POLN: variants seen among roughly 807,000 people sequenced by gnomAD.
POLN encodes DNA polymerase N.
A neutral mutation model predicts 113.5 loss-of-function variants in POLN; 108 were observed. The observed-to-expected ratio is 0.95, with a 90% CI of 0.81 to 1.12. The LOEUF (loss-of-function observed/expected upper bound fraction) is 1.12, where lower values mean the gene tolerates loss of function less well. Ranked by LOEUF, POLN falls within the 50% of genes most tolerant of loss-of-function variation. POLN has a pLI of 0.00. For synonymous variants in POLN, 386 were observed against 391.5 expected, an observed-to-expected ratio of 0.99 and a Z score of 0.17; for missense variants, 1,097 against 1,077.1, an observed-to-expected ratio of 1.02 and a Z score of -0.26.
chr4:2,241,188 G>C (rs1305675799), intron 2 of POLN: 2 of 403,720 alleles, frequency 5.0e-6, no homozygotes, highest in Non-Finnish European at 8.7e-6. Flanking sequence ...TCCGAGAGCG[G>C]GATAAATGAC....
intron 3 of POLN, among the ~76,000 whole-genome samples, chr4:2,213,941 A>G (rs932831153): frequency 6.6e-6 from 1 of 152,210 alleles, no homozygotes; most frequent in Non-Finnish European, 1.5e-5. Context: ...AAAAGACAAG[A>G]AATGTAAGCT....
intron 24 of POLN, among the ~76,000 whole-genome samples, chr4:2,074,254 GGC>G (rs1365255778): frequency 2.0e-5 from 3 of 152,160 alleles, no homozygotes; most frequent in Non-Finnish European, 4.4e-5. Context: ...AGAGATGCTG[GGC>G]GCTACACACC....
chr4:2,183,307 ACG>A (rs200996229), intron 7 of POLN, among the ~76,000 whole-genome samples: 2 of 149,626 alleles, frequency 1.3e-5, no homozygotes, highest in African/African-American at 5.0e-5. Context: ...CTAGATATAC[ACG>A]CAAGCAAGTT....
chr4:2,139,088 C>T (rs1186489221), intron 16 of POLN, among the ~76,000 whole-genome samples: 5 of 152,060 alleles, frequency 3.3e-5, no homozygotes, highest in African/African-American at 1.2e-4. Context: ...TTGACCACAA[C>T]AAATGGGCAG....
At chr4:2,141,460 C>A (rs1007130807) in intron 16 of POLN, among the ~76,000 whole-genome samples, 1 of 152,158 alleles carries the variant, frequency 6.6e-6, no homozygotes, top group African/African-American at 2.4e-5. Context: ...TCCTGTGTCC[C>A]CAGCTGTGGC....
rs1272979860 is a variant in POLN at position 2,242,091 on chromosome 4, ACCGCCCTCCGTGCC to A, written c.-338_-325del. ...TTGCTTCTCGCAGGAGCCCGCCGCC[ACCGCCCTCCGTGCC>A]CCGCGCGCCTCGCACTGCCTCACGG... On this transcript the variant is annotated 5_prime_UTR_variant, in exon 1 of 26. Transcript: ENST00000511885. 1 of 985,814 alleles carries A rather than the reference ACCGCCCTCCGTGCC, an allele frequency of 1.0e-6. No individual in the cohort carries two copies. The highest frequency in any genetic ancestry group is 1.1e-4 in the East Asian group (1 of 8,806). The allele number at this position is 985,814 out of a possible 1,614,324, so 61.1% of individuals were successfully genotyped here.
intron 13 of POLN, among the ~76,000 whole-genome samples, chr4:2,170,384 C>A (rs1292205246): frequency 6.6e-6 from 1 of 152,192 alleles, no homozygotes; most frequent in East Asian, 1.9e-4. Context: ...GGACACGAAG[C>A]AAAGAGGTTG....
At chr4:2,159,708 T>C (rs1369314017) in intron 13 of POLN, among the ~76,000 whole-genome samples, 3 of 152,198 alleles carry the variant, frequency 2.0e-5, no homozygotes, top group Non-Finnish European at 4.4e-5. Context: ...ATCTCCCCAG[T>C]AGGTACTGGC....
chr4:2,080,621 C>G lies in POLN; in HGVS notation c.2387+337G>C, dbSNP rs1312413284. On this transcript the variant is annotated intron_variant, in intron 23 of 25. Coordinates refer to ENST00000511885, the MANE Select transcript of POLN (RefSeq NM_181808.4). ...GGGGGCAGTTTGGAGTCCCCAGGGTCCTGCTCAAGGGGCTGAGGGGTTCGC... is the reference window on the plus strand; with the variant it reads ...GGGGGCAGTTTGGAGTCCCCAGGGTGCTGCTCAAGGGGCTGAGGGGTTCGC... 5.6e-6 allele frequency: 7 copies of G among 1,243,548 alleles called. No individual in the cohort carries two copies. The African/African-American group carries it at 1.1e-4, about 19-fold the overall frequency. The allele number at this position is 1,243,548 out of a possible 1,614,324, so 77.0% of individuals were successfully genotyped here. A position where few individuals can be genotyped will look rare whatever the true frequency, so the allele number is the denominator to read the frequency against.
intron 17 of POLN, 36 bp downstream of exon 17, chr4:2,131,197 C>A (rs1392985391): frequency 6.9e-7 from 1 of 1,442,464 alleles, no homozygotes; most frequent in Non-Finnish European, 9.7e-7. Flanking sequence ...AAGAGAGTTA[C>A]CAGAGACTTT....
intron 13 of POLN, among the ~76,000 whole-genome samples, chr4:2,162,353 C>T (rs553021655): frequency 3.6e-4 from 54 of 151,940 alleles, no homozygotes; most frequent in African/African-American, 1.3e-3. Flanking sequence ...CCTGAGCCAG[C>T]GAGACCACGA....
rs543583362 is a variant in POLN, at chr4:2,103,432, T to G, written c.1983-7499A>C. Among the ~76,000 whole-genome samples, 3 of 152,158 alleles carry G rather than the reference T, an allele frequency of 2.0e-5. No individual in the cohort carries two copies. In the East Asian group the frequency reaches 5.8e-4, roughly 29 times the overall value. ...ATTAAAGAAAAAAGAATAAAAAGAA[T>G]GAACAAAGCCTTTGAGATGTTTGGG... is the stretch of plus-strand genomic sequence containing the variant. On this transcript the variant is annotated intron_variant, in intron 19 of 25. Coordinates refer to ENST00000511885, the MANE Select transcript of POLN (RefSeq NM_181808.4).
Position 2,072,305 on chromosome 4 carries a change from G to T in POLN, c.2518-6C>A. The stretch of plus-strand genomic sequence containing the variant: ...AGGCTCACCTTGAGGGGTACCTGCA[G>T]GTGGCAGCCAGAGGTGAGCCCCACG... On this transcript the variant is annotated splice_polypyrimidine_tract_variant and splice_region_variant and intron_variant, in intron 25 of 25. Coordinates refer to ENST00000511885, the MANE Select transcript of POLN (RefSeq NM_181808.4). 2 of 1,554,578 alleles carry T rather than the reference G, an allele frequency of 1.3e-6. No homozygotes were observed. The highest frequency in any genetic ancestry group is 1.7e-6 in the Non-Finnish European group (2 of 1,153,444).
At chr4:2,098,846 A>G (rs1434977262) in intron 19 of POLN, among the ~76,000 whole-genome samples, 1 of 152,226 alleles carries the variant, frequency 6.6e-6, no homozygotes, top group Non-Finnish European at 1.5e-5. Context: ...AACATACAAG[A>G]TGAACCTGGA....
At chr4:2,175,838 CCTT>C (rs1732981328) in intron 9 of POLN, among the ~76,000 whole-genome samples, 1 of 152,160 alleles carries the variant, frequency 6.6e-6, no homozygotes, top group Non-Finnish European at 1.5e-5. Flanking sequence ...GGAGCTTTCT[CCTT>C]CTGGCTGGTT....
At chr4:2,188,465 G>T (rs184762019) in intron 7 of POLN, among the ~76,000 whole-genome samples, 87 of 152,220 alleles carry the variant, frequency 5.7e-4, no homozygotes, top group African/African-American at 1.9e-3. Context: ...GCCGGGCCTG[G>T]TGGCGGGCGC....
chr4:2,196,456 C>G (rs1174313039), intron 6 of POLN, among the ~76,000 whole-genome samples: 1 of 152,064 alleles, frequency 6.6e-6, no homozygotes, highest in East Asian at 1.9e-4. Flanking sequence ...GGACCTCCTC[C>G]AAGATAGGGA....
intron 19 of POLN, among the ~76,000 whole-genome samples, chr4:2,108,713 T>C (rs1418569332): frequency 3.9e-5 from 6 of 152,190 alleles, no homozygotes; most frequent in Non-Finnish European, 8.8e-5. Context: ...TGTGATTCTT[T>C]GCGTGTTGCT....
chr4:2,095,516 G>A (rs576963008), intron 20 of POLN, among the ~76,000 whole-genome samples: 1 of 152,330 alleles, frequency 6.6e-6, no homozygotes, highest in South Asian at 2.1e-4. Flanking sequence ...ACTTTATAAT[G>A]CCTTGGCATG....
Sources: gnomAD v4.1 joint callset for allele counts (sites outside exome capture counted in the v4.1 genomes callset) on GRCh38, gnomAD v4.1.1 for gene constraint, MANE v1.5 for transcripts, NCBI Gene and HGNC (gene_info 2026-07-23, HGNC 2026-07-21) for gene names.